The following MPP7 variants were observed in gnomAD, a reference collection of about 807,000 sequenced individuals.
MPP7 encodes MAGUK p55 subfamily member 7.
A neutral mutation model predicts 76.5 loss-of-function variants in MPP7; 60 were observed. The observed-to-expected ratio is 0.78, with a 90% CI of 0.64 to 0.97. The LOEUF is 0.97. MPP7 is among the 50% of genes least tolerant of loss of function. The pLI, the probability that MPP7 is intolerant of heterozygous loss-of-function variation, is 0.00. For synonymous variants in MPP7, 237 were observed against 244.5 expected (o/e 0.97, Z 0.29); for missense variants, 641 against 694.0 (o/e 0.92, Z 0.86).
chr10:28,190,005 C>A (rs756609702), intron 3 of MPP7, among the ~76,000 whole-genome samples: 1 of 151,996 alleles, frequency 6.6e-6, no homozygotes, highest in African/African-American at 2.4e-5. Flanking sequence ...CTAACATTAA[C>A]CCAAAAAAGA....
intron 3 of MPP7, among the ~76,000 whole-genome samples, chr10:28,154,869 T>G (rs1366101932): frequency 1.3e-5 from 2 of 152,204 alleles, no homozygotes; most frequent in African/African-American, 2.4e-5. Flanking sequence ...TTATGAGAGC[T>G]GCCATTCTTC....
chr10:28,109,450 A>G (rs1048434133), intron 11 of MPP7, among the ~76,000 whole-genome samples: 1 of 152,198 alleles, frequency 6.6e-6, no homozygotes, highest in African/African-American at 2.4e-5. Flanking sequence ...TCCACCGTCT[A>G]TCAAAAATTA....
chr10:28,228,206 GA>G (rs1395288727), intron 2 of MPP7, among the ~76,000 whole-genome samples: 4 of 152,104 alleles, frequency 2.6e-5, no homozygotes, highest in Non-Finnish European at 5.9e-5. Context: ...GTTAACATGA[GA>G]TTTTTTTTTA....
intron 11 of MPP7, among the ~76,000 whole-genome samples, chr10:28,093,502 A>G (rs1037895737): frequency 6.9e-6 from 1 of 144,188 alleles, no homozygotes; most frequent in East Asian, 2.0e-4. Flanking sequence ...GCTGGAGTGC[A>G]GTGGTGCAAT....
chr10:28,103,607 A>C (rs1033183933), intron 11 of MPP7, among the ~76,000 whole-genome samples: 5 of 152,008 alleles, frequency 3.3e-5, no homozygotes, highest in African/African-American at 1.2e-4. Context: ...ACTTATTACC[A>C]TCTAACGAAT....
chr10:28,312,960 C>T (rs1224871834), intron 2 of MPP7, among the ~76,000 whole-genome samples: 1 of 152,170 alleles, frequency 6.6e-6, no homozygotes, highest in Non-Finnish European at 1.5e-5. Flanking sequence ...ACAGCACCCC[C>T]ACAGCAGGAG....
intron 11 of MPP7, among the ~76,000 whole-genome samples, chr10:28,105,651 G>A (rs561255618): frequency 1.3e-5 from 2 of 152,234 alleles, no homozygotes; most frequent in South Asian, 2.1e-4. Flanking sequence ...TGGATTACAG[G>A]TGTGCGCCAC....
intron 2 of MPP7, among the ~76,000 whole-genome samples, chr10:28,316,435 T>TAAAAAAAAA (rs549621404): frequency 5.9e-4 from 22 of 37,146 alleles, no homozygotes; most frequent in African/African-American, 1.8e-3. Flanking sequence ...ACTCTGTCTT[T>TAAAAAAAAA]AAAAAAAAAA....
chr10:28,176,064 T>C (rs1312137830), intron 3 of MPP7, among the ~76,000 whole-genome samples: 3 of 152,074 alleles, frequency 2.0e-5, no homozygotes, highest in Non-Finnish European at 4.4e-5. Flanking sequence ...AAAAAGTATA[T>C]AGTAGTTTAA....
At chr10:28,201,883 C>A (rs1437086686) in intron 3 of MPP7, among the ~76,000 whole-genome samples, 2 of 152,198 alleles carry the variant, frequency 1.3e-5, no homozygotes, top group Non-Finnish European at 2.9e-5. Context: ...AGAGTCTAAA[C>A]CTTCCTGCTA....
In MPP7 at chr10:28,149,987, C is replaced by T. The variant is rs1337576330; in HGVS notation, c.229G>A (p.Asp77Asn). 4.1e-5 allele frequency: 66 copies of T among 1,612,658 alleles called. No homozygotes were observed. The highest frequency in any genetic ancestry group is 5.0e-5 in the Non-Finnish European group (59 of 1,179,562). ...PILHGAAALA[D>N]DLAEELQNKP... Reference sequence around the variant, plus strand: ...GCTCGGAGAGTCACACTTACATCATCGGCCAAGGCCGCCGCACCATGGAGA... The same window carrying T: ...GCTCGGAGAGTCACACTTACATCATTGGCCAAGGCCGCCGCACCATGGAGA... The change falls in exon 4 of 17, where the codon GAT becomes AAT. Residue 77 changes from aspartate to asparagine, a missense_variant. Coordinates refer to ENST00000683449, the MANE Select transcript of MPP7 (RefSeq NM_001318170.2).
At chr10:28,217,945 A>G (rs1214737808) in intron 2 of MPP7, among the ~76,000 whole-genome samples, 1 of 152,238 alleles carries the variant, frequency 6.6e-6, no homozygotes, top group Non-Finnish European at 1.5e-5. Context: ...GTGGTTCAGA[A>G]CGCCTAAAGA....
intron 2 of MPP7, among the ~76,000 whole-genome samples, chr10:28,235,287 C>T (rs1001028178): frequency 1.3e-5 from 2 of 152,090 alleles, no homozygotes; most frequent in African/African-American, 4.8e-5. Flanking sequence ...AATATCATTT[C>T]TCCAAATGAA....
intron 3 of MPP7, among the ~76,000 whole-genome samples, chr10:28,166,400 A>ATTTTT (rs34887665): frequency 1.1e-5 from 1 of 93,418 alleles, no homozygotes; most frequent in Non-Finnish European, 2.0e-5. Context: ...TTACCTTTTA[A>ATTTTT]TTTTTTTTTT....
At chr10:28,062,163 T>C (rs186431241) in intron 13 of MPP7, among the ~76,000 whole-genome samples, 10 of 152,310 alleles carry the variant, frequency 6.6e-5, no homozygotes, top group Non-Finnish European at 1.3e-4. Flanking sequence ...AGTTATAATA[T>C]TGTCTGATAG....
intron 3 of MPP7, among the ~76,000 whole-genome samples, chr10:28,158,934 G>A (rs1433842342): frequency 6.6e-6 from 1 of 152,068 alleles, no homozygotes; most frequent in African/African-American, 2.4e-5. Flanking sequence ...AAAGCAAACC[G>A]ATCCATCTTG....
chr10:28,301,184 AAC>A (rs1356754279), intron 1 of MPP7, among the ~76,000 whole-genome samples: 3 of 152,172 alleles, frequency 2.0e-5, no homozygotes, highest in Non-Finnish European at 4.4e-5. Context: ...ATTTACAGTA[AAC>A]ACTTCCCGAA....
intron 2 of MPP7, among the ~76,000 whole-genome samples, chr10:28,317,781 G>A (rs763388385): frequency 3.3e-5 from 5 of 152,162 alleles, no homozygotes; most frequent in African/African-American, 7.2e-5. Flanking sequence ...CAGGGTGGCC[G>A]CCATGCCTGG....
chr10:28,185,222 AAT>A (rs747460908), intron 3 of MPP7, among the ~76,000 whole-genome samples: 5 of 142,396 alleles, frequency 3.5e-5, no homozygotes, highest in Non-Finnish European at 7.4e-5. Flanking sequence ...AATATAGTAT[AAT>A]ATGATATATT....
Sources: allele counts gnomAD v4.1 joint callset (sites outside exome capture counted in the v4.1 genomes callset), GRCh38; gene constraint gnomAD v4.1.1; transcripts MANE v1.5; gene names NCBI Gene and HGNC (gene_info 2026-07-23, HGNC 2026-07-21).